Variants in ZNF385D observed in about 807,000 individuals in gnomAD.
ZNF385D encodes zinc finger protein 385D.
Under a neutral mutation model 35.8 loss-of-function variants are expected in ZNF385D, and 15 were observed. That is an observed-to-expected ratio of 0.42 (90% CI 0.28 to 0.64). The LOEUF (loss-of-function observed/expected upper bound fraction) is 0.64, where lower values mean the gene tolerates loss of function less well. ZNF385D is among the 30% of genes least tolerant of loss of function. ZNF385D has a pLI of 0.23. For synonymous variants in ZNF385D, 212 were observed against 186.8 expected, an observed-to-expected ratio of 1.13 and a Z score of -1.10; for missense variants, 474 against 494.6, an observed-to-expected ratio of 0.96 and a Z score of 0.39.
chr3:21,449,595 G>A (rs1035823292), intron 4 of ZNF385D, among the ~76,000 whole-genome samples: 3 of 152,048 alleles, frequency 2.0e-5, no homozygotes, highest in Non-Finnish European at 4.4e-5. Flanking sequence ...TTAAAAGCTA[G>A]CACTGTGAGT....
intron 1 of ZNF385D, among the ~76,000 whole-genome samples, chr3:21,670,062 C>T (rs57398802): frequency 0.016 from 2,469 of 152,156 alleles, 71 homozygotes; most frequent in African/African-American, 0.056. Context: ...GGTGACAAAA[C>T]TGAAGTTCAA....
At chr3:22,202,139 T>A (rs1696838704) in intron 2 of ZNF385D, among the ~76,000 whole-genome samples, 1 of 152,096 alleles carries the variant, frequency 6.6e-6, no homozygotes, top group South Asian at 2.1e-4. Context: ...TTTTTTAAAA[T>A]CTATGTATTC....
At chr3:22,308,398 T>TA (rs1157410896) in intron 2 of ZNF385D, among the ~76,000 whole-genome samples, 1 of 152,022 alleles carries the variant, frequency 6.6e-6, no homozygotes, top group Non-Finnish European at 1.5e-5. Flanking sequence ...AACCAATTTT[T>TA]ATAACAAAAA....
intron 1 of ZNF385D, among the ~76,000 whole-genome samples, chr3:21,699,145 A>G (rs1575484536): frequency 6.6e-6 from 1 of 152,242 alleles, no homozygotes; most frequent in Admixed American, 6.5e-5. Flanking sequence ...ACCCCATGGA[A>G]TACTATGTAG....
chr3:21,613,435 A>G (rs1253691690), intron 2 of ZNF385D, among the ~76,000 whole-genome samples: 1 of 151,860 alleles, frequency 6.6e-6, no homozygotes, highest in Middle Eastern at 3.2e-3. Context: ...ATGTGAACAC[A>G]TTGATAGGGT....
At chr3:21,733,858 TTGAAA>T (rs2069124570) in intron 1 of ZNF385D, among the ~76,000 whole-genome samples, 1 of 152,210 alleles carries the variant, frequency 6.6e-6, no homozygotes, top group South Asian at 2.1e-4. Context: ...TACCAGTGAA[TTGAAA>T]TATCAGTTTT....
chr3:21,926,366 G>C lies in ZNF385D; in HGVS notation c.325+242451C>G, dbSNP rs146511445. Among the ~76,000 whole-genome samples the C allele has an allele frequency of 4.9e-3, 746 of 152,216 alleles. 4 individuals carry two copies. Among genetic ancestry groups the C allele is most frequent in the Middle Eastern group, 0.014 (4 of 294 alleles). Reference sequence around the variant, plus strand: ...TTCTCATTGTTCAACTCCCACTTATGAGTGAGAACATGCAGTGTTTGGTTT... The same window carrying C: ...TTCTCATTGTTCAACTCCCACTTATCAGTGAGAACATGCAGTGTTTGGTTT... On this transcript the variant is annotated intron_variant, in intron 3 of 5. Coordinates refer to the ZNF385D transcript ENST00000494108.
intron 2 of ZNF385D, among the ~76,000 whole-genome samples, chr3:22,218,702 C>T (rs1022953618): frequency 2.0e-5 from 3 of 152,100 alleles, no homozygotes; most frequent in Non-Finnish European, 2.9e-5. Flanking sequence ...CTCTGGACTT[C>T]AGTAACTGGG....
At chr3:21,443,371 T>C (rs528296727) in intron 4 of ZNF385D, 5 of 984,384 alleles carry the variant, frequency 5.1e-6, no homozygotes, top group Non-Finnish European at 4.8e-6. Flanking sequence ...TATTTAGATA[T>C]ATGGCATATA....
intron 3 of ZNF385D, among the ~76,000 whole-genome samples, chr3:22,013,291 T>C (rs1205975626): frequency 6.6e-6 from 1 of 152,166 alleles, no homozygotes; most frequent in Non-Finnish European, 1.5e-5. Flanking sequence ...TTATTATACA[T>C]AGTATATATA....
intron 3 of ZNF385D, among the ~76,000 whole-genome samples, chr3:21,796,225 C>T (rs945948647): frequency 6.6e-6 from 1 of 152,188 alleles, no homozygotes. Flanking sequence ...TAACTTTGCA[C>T]TGCTGTGTCA....
intron 3 of ZNF385D, among the ~76,000 whole-genome samples, chr3:22,005,492 A>T (rs1330044776): frequency 6.6e-6 from 1 of 152,102 alleles, no homozygotes; most frequent in African/African-American, 2.4e-5. Flanking sequence ...ATAAGAAAAG[A>T]TTCGAAATAT....
intron 2 of ZNF385D, among the ~76,000 whole-genome samples, chr3:22,223,391 T>C (rs558860479): frequency 6.6e-6 from 1 of 152,278 alleles, no homozygotes; most frequent in South Asian, 2.1e-4. Flanking sequence ...TAATGTAGGC[T>C]CTGAAATGAA....
chr3:22,090,641 G>C (rs1359545559), intron 3 of ZNF385D, among the ~76,000 whole-genome samples: 1 of 152,146 alleles, frequency 6.6e-6, no homozygotes, highest in Non-Finnish European at 1.5e-5. Flanking sequence ...TGTGGGTTGA[G>C]TAAATTACAA....
At chr3:21,947,379 T>G (rs1347033426) in intron 3 of ZNF385D, among the ~76,000 whole-genome samples, 1 of 144,376 alleles carries the variant, frequency 6.9e-6, no homozygotes, top group Non-Finnish European at 1.5e-5. Flanking sequence ...TGAGACAGAG[T>G]CTCGCTCTGT....
chr3:22,360,151 T>A (rs1206773709), intron 2 of ZNF385D, among the ~76,000 whole-genome samples: 1 of 152,016 alleles, frequency 6.6e-6, no homozygotes, highest in African/African-American at 2.4e-5. Context: ...TTACAACTTG[T>A]CTCATTTTCT....
intron 2 of ZNF385D, among the ~76,000 whole-genome samples, chr3:22,288,018 C>T (rs1702114201): frequency 6.6e-6 from 1 of 151,894 alleles, no homozygotes; most frequent in Non-Finnish European, 1.5e-5. Context: ...ACAGAATTGC[C>T]TGGCATATTA....
At chr3:22,124,416 C>G (rs1008597260) in intron 3 of ZNF385D, among the ~76,000 whole-genome samples, 3 of 152,090 alleles carry the variant, frequency 2.0e-5, no homozygotes, top group African/African-American at 7.2e-5. Context: ...CTTTGATATA[C>G]TGATTTCCTT....
intron 3 of ZNF385D, among the ~76,000 whole-genome samples, chr3:22,114,653 A>T (rs1702717944): frequency 6.6e-6 from 1 of 152,092 alleles, no homozygotes; most frequent in African/African-American, 2.4e-5. Flanking sequence ...TGTGGATTAT[A>T]TCTCAGAGTT....
Sources: gnomAD v4.1 joint callset for allele counts (sites outside exome capture counted in the v4.1 genomes callset) on GRCh38, gnomAD v4.1.1 for gene constraint, MANE v1.5 for transcripts, NCBI Gene and HGNC (gene_info 2026-07-23, HGNC 2026-07-21) for gene names.